The following TBC1D15 variants were observed in gnomAD, a reference collection of about 807,000 sequenced individuals.
TBC1D15 encodes the protein GAP for RAB7.
A neutral mutation model predicts 95.4 loss-of-function variants in TBC1D15; 39 were observed. That is an observed-to-expected ratio of 0.41 (90% confidence interval 0.32 to 0.53). The LOEUF is 0.53. Ranked by LOEUF, TBC1D15 falls within the 20% of genes least tolerant of loss-of-function variation. TBC1D15 has a pLI of 0.29. For synonymous variants in TBC1D15, 258 were observed against 261.3 expected, an observed-to-expected ratio of 0.99 and a Z score of 0.12; for missense variants, 733 against 794.3, an observed-to-expected ratio of 0.92 and a Z score of 0.93.
rs780561541 is a variant in TBC1D15, at chr12:71,894,826, T to C, written c.798T>C (p.Ala266=). 6.1e-5 allele frequency: 99 copies of C among 1,613,124 alleles called. No homozygotes were observed. The highest frequency in any genetic ancestry group is 1.0e-4 in the Admixed American group (6 of 59,916). Residue 266 remains alanine, a synonymous_variant, in exon 7 of 17, where the codon GCT becomes GCC. Transcript: ENST00000485960. The stretch of plus-strand genomic sequence containing the variant: ...AAATGGCAGATTTTCTTAGTGATGC[T>C]ATTCCAGGTCTAAAGATAAATCAAC... ...PSEMADFLSD[A]IPGLKINQQE...
intron 1 of TBC1D15, among the ~76,000 whole-genome samples, chr12:71,845,174 A>G (rs1396524436): frequency 6.6e-6 from 1 of 152,172 alleles, no homozygotes; most frequent in Admixed American, 6.5e-5. Context: ...TGTGTTGGGG[A>G]GTATCAGGAA....
intron 15 of TBC1D15, among the ~76,000 whole-genome samples, 177 bp downstream of exon 15, chr12:71,921,024 T>C (rs571621960): frequency 0.017 from 2,625 of 152,290 alleles, 77 homozygotes; most frequent in African/African-American, 0.06. Context: ...GGCCAGTTAT[T>C]TTTACCTGGC....
intron 1 of TBC1D15, chr12:71,861,453 G>A: frequency 2.6e-6 from 4 of 1,530,012 alleles, no homozygotes; most frequent in Non-Finnish European, 3.5e-6. Context: ...ATGTGTCCAG[G>A]ACTTTATCCA....
intron 1 of TBC1D15, 22 bp from the exon 2 acceptor site, chr12:71,872,048 A>G: frequency 8.7e-7 from 1 of 1,147,520 alleles, no homozygotes; most frequent in Non-Finnish European, 1.2e-6. Context: ...TTATGTGACT[A>G]ACTTTATTTT....
intron 6 of TBC1D15, chr12:71,894,188 C>T: frequency 1.4e-6 from 1 of 690,758 alleles, no homozygotes; most frequent in South Asian, 2.2e-5. Flanking sequence ...TTCTTGTTGG[C>T]ATGATTTACT....
intron 1 of TBC1D15, among the ~76,000 whole-genome samples, chr12:71,842,253 A>G (rs1276035003): frequency 2.6e-5 from 4 of 152,192 alleles, no homozygotes; most frequent in Admixed American, 1.3e-4. Flanking sequence ...GGTAATGGTT[A>G]AGAGCTTGGT....
chr12:71,885,812 A>G (rs1373684585), intron 5 of TBC1D15, among the ~76,000 whole-genome samples: 3 of 152,190 alleles, frequency 2.0e-5, no homozygotes, highest in Admixed American at 6.5e-5. Flanking sequence ...ATGAGTGACC[A>G]CTATAAGGAA....
chr12:71,882,900 G>T (rs1251931094), intron 4 of TBC1D15, among the ~76,000 whole-genome samples: 1 of 152,032 alleles, frequency 6.6e-6, no homozygotes. Context: ...AATGTGTGAG[G>T]CATTTTCTTT....
rs1884432040 is a variant in TBC1D15, at chr12:71,839,803, A to AGCGGGAAGGTAGGTAACGGCCT, written c.23_30+14dup. 1 of 1,613,974 alleles carries AGCGGGAAGGTAGGTAACGGCCT rather than the reference A, an allele frequency of 6.2e-7. No homozygotes were observed. The stretch of plus-strand genomic sequence containing the variant: ...AAACATGGCGGCGGCGGGTGTTGTG[A>AGCGGGAAGGTAGGTAACGGCCT]GCGGGAAGGTAGGTAACGGCCTCCA... On this transcript the variant is annotated frameshift_variant, in exon 1 of 17. Transcript: ENST00000485960. LOFTEE classifies it high-confidence loss of function.
chr12:71,896,530 A>G, intron 8 of TBC1D15, 147 bp from the exon 9 acceptor site: 1 of 685,734 alleles, frequency 1.5e-6, no homozygotes, highest in Non-Finnish European at 2.5e-6. Flanking sequence ...TAGAAGTAAA[A>G]AACAAGATGA....
intron 5 of TBC1D15, among the ~76,000 whole-genome samples, chr12:71,892,355 T>G (rs1255110175): frequency 6.6e-6 from 1 of 152,034 alleles, no homozygotes; most frequent in Non-Finnish European, 1.5e-5. Flanking sequence ...TTATTAAAGA[T>G]CTTATCTCAA....
intron 1 of TBC1D15, among the ~76,000 whole-genome samples, chr12:71,840,629 G>A (rs1163909211): frequency 6.6e-6 from 1 of 152,184 alleles, no homozygotes; most frequent in African/African-American, 2.4e-5. Context: ...TCCCAGTGCA[G>A]GAGTATTTCA....
intron 6 of TBC1D15, chr12:71,894,358 G>A: frequency 6.2e-7 from 1 of 1,612,872 alleles, no homozygotes; most frequent in Non-Finnish European, 8.5e-7. Context: ...GCTGTTGTGG[G>A]CCATTCACCA....
In TBC1D15 at chr12:71,871,858, T is replaced by C. The variant is rs540995116; in HGVS notation, c.31-212T>C. Among the ~76,000 whole-genome samples the C allele has an allele frequency of 4.6e-5, 7 of 152,388 alleles. No homozygotes were observed. In the South Asian group the frequency reaches 1.4e-3, roughly 32 times the overall value. On this transcript the variant is annotated intron_variant, in intron 1 of 16. Transcript: ENST00000485960. Reference sequence around the variant, plus strand: ...TGATTATCACGAATCTGATAAACTTTCATGCATTAACAAAGCAGAATTAAT... The same window carrying C: ...TGATTATCACGAATCTGATAAACTTCCATGCATTAACAAAGCAGAATTAAT...
intron 3 of TBC1D15, among the ~76,000 whole-genome samples, chr12:71,875,440 C>A (rs1396439043): frequency 6.6e-6 from 1 of 151,858 alleles, no homozygotes; most frequent in Non-Finnish European, 1.5e-5. Context: ...CGTGTCATAT[C>A]CAGGAAACCA....
chr12:71,860,745 G>C (rs1890194509), intron 1 of TBC1D15, among the ~76,000 whole-genome samples: 1 of 152,088 alleles, frequency 6.6e-6, no homozygotes, highest in Non-Finnish European at 1.5e-5. Flanking sequence ...GCTCTGGCTA[G>C]GACTTCCAGT....
chr12:71,874,212 C>T (rs551689698), intron 3 of TBC1D15, among the ~76,000 whole-genome samples: 1 of 152,268 alleles, frequency 6.6e-6, no homozygotes, highest in South Asian at 2.1e-4. Flanking sequence ...CCTAACAAAT[C>T]GAGTCACGTT....
chr12:71,874,832 A>G (rs1470979954), intron 3 of TBC1D15, among the ~76,000 whole-genome samples: 1 of 152,018 alleles, frequency 6.6e-6, no homozygotes, highest in African/African-American at 2.4e-5. Context: ...CATGTTGGCC[A>G]GGCTAGTCTC....
At chr12:71,889,018 T>A (rs1437435642) in intron 5 of TBC1D15, among the ~76,000 whole-genome samples, 4 of 152,156 alleles carry the variant, frequency 2.6e-5, no homozygotes, top group Admixed American at 6.5e-5. Context: ...AATATAAAAG[T>A]ATATTAGGAT....
Sources: allele counts gnomAD v4.1 joint callset (sites outside exome capture counted in the v4.1 genomes callset), GRCh38; gene constraint gnomAD v4.1.1; transcripts MANE v1.5; gene names NCBI Gene and HGNC (gene_info 2026-07-23, HGNC 2026-07-21).